FAM193A: variants seen among roughly 807,000 people sequenced by gnomAD.
The protein encoded by FAM193A is protein FAM193A.
In FAM193A, 22 loss-of-function variants were observed where a neutral mutation model predicts 126.5. The observed-to-expected ratio is 0.17, with a 90% confidence interval of 0.12 to 0.25. The LOEUF (loss-of-function observed/expected upper bound fraction) is 0.25, where lower values mean the gene tolerates loss of function less well. Among genes scored for constraint, FAM193A ranks in the 10% least tolerant of loss-of-function variants. The pLI, the probability that FAM193A is intolerant of heterozygous loss-of-function variation, is 1.00. For missense variants in FAM193A, 1,675 were observed against 1,672.8 expected (o/e 1.00, Z -0.02); for synonymous variants, 761 against 646.8 (o/e 1.18, Z -2.68).
intron 1 of FAM193A, among the ~76,000 whole-genome samples, chr4:2,556,877 A>G (rs991958266): frequency 1.3e-5 from 2 of 152,160 alleles, no homozygotes; most frequent in Non-Finnish European, 2.9e-5. Context: ...TTGAAACTGA[A>G]TGAGAGGTTG....
chr4:2,699,409 G>C (rs1472049901), intron 18 of FAM193A, among the ~76,000 whole-genome samples: 4 of 147,092 alleles, frequency 2.7e-5, no homozygotes, highest in African/African-American at 1.0e-4. Context: ...CAGGTCAAAG[G>C]CTATCGGGAA....
intron 1 of FAM193A, among the ~76,000 whole-genome samples, chr4:2,585,487 A>G (rs1740182551): frequency 6.6e-6 from 1 of 152,056 alleles, no homozygotes; most frequent in South Asian, 2.1e-4. Flanking sequence ...ATGTCTATGG[A>G]CCATTTGGGT....
intron 1 of FAM193A, among the ~76,000 whole-genome samples, chr4:2,570,759 G>T (rs886150909): frequency 6.6e-6 from 1 of 152,140 alleles, no homozygotes; most frequent in Non-Finnish European, 1.5e-5. Flanking sequence ...TCAGATCAGG[G>T]CTAGGCTAGT....
intron 5 of FAM193A, among the ~76,000 whole-genome samples, chr4:2,631,460 G>A (rs1457104293): frequency 6.6e-6 from 1 of 152,160 alleles, no homozygotes; most frequent in African/African-American, 2.4e-5. Context: ...AGTGTGAGGG[G>A]AGCACTGATG....
intron 8 of FAM193A, 114 bp from the exon 9 acceptor site, chr4:2,659,444 C>G (rs1258122782): frequency 8.0e-6 from 6 of 747,924 alleles, no homozygotes; most frequent in African/African-American, 1.7e-5. Flanking sequence ...TCCTGTCCCG[C>G]TGAGGAAGCA....
At chr4:2,604,399 G>A (rs1741402744) in intron 2 of FAM193A, among the ~76,000 whole-genome samples, 1 of 152,016 alleles carries the variant, frequency 6.6e-6, no homozygotes, top group Admixed American at 6.6e-5. Flanking sequence ...CTTTTTTGGT[G>A]CTTAATCTGT....
chr4:2,699,443 C>CG (rs902240155), intron 18 of FAM193A, among the ~76,000 whole-genome samples: 7 of 86,190 alleles, frequency 8.1e-5, no homozygotes, highest in African/African-American at 2.4e-4. Flanking sequence ...ACCACCCCCC[C>CG]CCCCACACAC....
At chr4:2,612,460 C>G (rs573701738) in intron 2 of FAM193A, among the ~76,000 whole-genome samples, 25 of 152,108 alleles carry the variant, frequency 1.6e-4, no homozygotes, top group Non-Finnish European at 1.8e-4. Context: ...GATTGCACCA[C>G]TGTACTCCAG....
chr4:2,727,788 A>AG (rs1447196577), intron 20 of FAM193A, among the ~76,000 whole-genome samples: 10 of 152,184 alleles, frequency 6.6e-5, no homozygotes, highest in African/African-American at 2.2e-4. Flanking sequence ...AGATGGTGCC[A>AG]GTGGGGCAGA....
chr4:2,713,646 T>G lies in FAM193A; in HGVS notation c.4373-2377T>G, dbSNP rs187024093. On this transcript the variant is annotated intron_variant, in intron 19 of 20. Coordinates refer to ENST00000637812, the MANE Select transcript of FAM193A (RefSeq NM_001366318.2). ...GTCTCCCTGTCTCTCCTCTTCCCAT[T>G]TTTTGTTGGTGGTGTTTCTGCTCTG... is the stretch of plus-strand genomic sequence containing the variant. Among the ~76,000 whole-genome samples, 104 of 152,260 alleles carry G rather than the reference T, an allele frequency of 6.8e-4. 1 individual carries two copies. The highest frequency in any genetic ancestry group is 1.5e-3 in the South Asian group (7 of 4,820).
rs773879823 is a variant in FAM193A at position 2,659,850 on chromosome 4, C to G, written c.1541C>G (p.Thr514Arg). 1.2e-6 allele frequency: 2 copies of G among 1,613,928 alleles called. No homozygotes were observed. The highest frequency in any genetic ancestry group is 4.5e-5 in the East Asian group (2 of 44,894). Reference sequence around the variant, plus strand: ...GACTGCAGTCTCTCACACATCCTCACGTGTGGTATCATGGACCCCCCCGTC... The same window carrying G: ...GACTGCAGTCTCTCACACATCCTCAGGTGTGGTATCATGGACCCCCCCGTC... Reference protein sequence around the residue: ...CDDCSLSHILTCGIMDPPVTD... With the variant: ...CDDCSLSHILRCGIMDPPVTD... Residue 514 changes from threonine to arginine, a missense_variant, in exon 10 of 21, where the codon ACG (threonine) becomes AGG (arginine). Coordinates refer to ENST00000637812, the MANE Select transcript of FAM193A (RefSeq NM_001366318.2).
chr4:2,685,971 C>T (rs1048370734), intron 13 of FAM193A, among the ~76,000 whole-genome samples: 5 of 152,104 alleles, frequency 3.3e-5, no homozygotes, highest in African/African-American at 1.2e-4. Flanking sequence ...GTTTGTATAA[C>T]GAGTGAAATT....
chr4:2,606,543 G>A (rs1031576159), intron 2 of FAM193A, among the ~76,000 whole-genome samples: 5 of 152,070 alleles, frequency 3.3e-5, no homozygotes, highest in Non-Finnish European at 7.4e-5. Context: ...CAAGGGTTAG[G>A]TGTAGTGTAG....
At chr4:2,625,744 T>C (rs1274750946) in intron 3 of FAM193A, among the ~76,000 whole-genome samples, 1 of 99,090 alleles carries the variant, frequency 1.0e-5, no homozygotes, top group Non-Finnish European at 2.0e-5. Flanking sequence ...TTTTTTTTTT[T>C]GAGACAGGGT....
At chr4:2,670,384 C>A (rs1713652127) in intron 12 of FAM193A, among the ~76,000 whole-genome samples, 1 of 151,988 alleles carries the variant, frequency 6.6e-6, no homozygotes. Flanking sequence ...GCTTTGACAT[C>A]TTTGTGTGCT....
intron 12 of FAM193A, among the ~76,000 whole-genome samples, chr4:2,663,704 C>T (rs1487540873): frequency 4.6e-5 from 7 of 152,302 alleles, no homozygotes; most frequent in East Asian, 3.9e-4. Context: ...CAGTGGCTCA[C>T]GCCTGTAATC....
At chr4:2,666,792 A>C (rs1713170095) in intron 12 of FAM193A, among the ~76,000 whole-genome samples, 1 of 152,196 alleles carries the variant, frequency 6.6e-6, no homozygotes, top group African/African-American at 2.4e-5. Flanking sequence ...TGTTGGCATA[A>C]AGTTATTCTA....
At chr4:2,601,207 A>G (rs969688733) in intron 2 of FAM193A, among the ~76,000 whole-genome samples, 29 of 144,872 alleles carry the variant, frequency 2.0e-4, no homozygotes, top group African/African-American at 6.1e-4. Flanking sequence ...TGTAGATTTG[A>G]CTTTTTATTT....
At chr4:2,679,658 G>A (rs1714870663) in intron 13 of FAM193A, among the ~76,000 whole-genome samples, 3 of 152,060 alleles carry the variant, frequency 2.0e-5, no homozygotes, top group Admixed American at 1.3e-4. Flanking sequence ...GATTACAGGT[G>A]TGAGCCACCG....
Sources: gnomAD v4.1 joint callset for allele counts (sites outside exome capture counted in the v4.1 genomes callset) on GRCh38, gnomAD v4.1.1 for gene constraint, MANE v1.5 for transcripts, NCBI Gene and HGNC (gene_info 2026-07-23, HGNC 2026-07-21) for gene names.